KCTD17: variants seen among roughly 807,000 people sequenced by gnomAD.
KCTD17 encodes the protein BTB/POZ domain-containing protein KCTD17.
KCTD17 carries 20 observed loss-of-function variants against 41.5 expected under a neutral mutation model. The observed-to-expected ratio is 0.48, with a 90% CI of 0.34 to 0.70. KCTD17 has a LOEUF of 0.70. KCTD17 is among the 30% of genes least tolerant of loss of function. The pLI is 0.01. For missense variants in KCTD17, 317 were observed against 427.2 expected, an observed-to-expected ratio of 0.74 and a Z score of 2.27; for synonymous variants, 156 against 173.8, an observed-to-expected ratio of 0.90 and a Z score of 0.80.
Position 37,062,485 on chromosome 22 carries a change from C to T in KCTD17, c.876-40C>T, listed in dbSNP as rs776500999. 3 of 1,595,108 alleles carry T rather than the reference C, an allele frequency of 1.9e-6. No individual in the cohort carries two copies. In the Admixed American group the frequency reaches 5.2e-5, roughly 28 times the overall value. The stretch of plus-strand genomic sequence containing the variant: ...CCCCTCCTTACCGGCCCCACCTCCG[C>T]CCCTCCCATCCTCCTGCCCTTCCCC... On this transcript the variant is annotated intron_variant, in intron 8 of 8. Coordinates refer to ENST00000403888, the MANE Select transcript of KCTD17 (RefSeq NM_001282684.2).
At chr22:37,054,354 C>T (rs1032358128) in intron 2 of KCTD17, among the ~76,000 whole-genome samples, 1 of 152,152 alleles carries the variant, frequency 6.6e-6, no homozygotes, top group African/African-American at 2.4e-5. Flanking sequence ...ATTCCCACAC[C>T]GTCAGACAGC....
intron 5 of KCTD17, among the ~76,000 whole-genome samples, chr22:37,060,413 G>C (rs2145992107): frequency 6.6e-6 from 1 of 152,254 alleles, no homozygotes; most frequent in Admixed American, 6.5e-5. Flanking sequence ...AGACTGGCTG[G>C]CATCCCAGAT....
Position 37,056,355 on chromosome 22 carries a change from C to G in KCTD17, c.334C>G (p.Pro112Ala), listed in dbSNP as rs1244369727. Residue 112 changes from proline (P) to alanine (A), a missense_variant, in exon 3 of 9, where the codon CCG (proline) becomes GCG (alanine). By Grantham distance (27) the Pro-to-Ala change is conservative. Coordinates refer to ENST00000403888, the MANE Select transcript of KCTD17 (RefSeq NM_001282684.2). ...GGAAGCCGAGTTCTACAACATCGGC[C>G]CGCTGATCCGCATCATCAAAGACCG... Reference protein sequence around the residue: ...LEEAEFYNIGPLIRIIKDRME... With the variant: ...LEEAEFYNIGALIRIIKDRME... 1 of 1,613,624 alleles carries G rather than the reference C, an allele frequency of 6.2e-7. No individual in the cohort carries two copies. Among genetic ancestry groups the G allele is most frequent in the East Asian group, 2.2e-5 (1 of 44,864 alleles).
intron 1 of KCTD17, 49 bp downstream of exon 1, chr22:37,051,998 C>T: frequency 1.5e-6 from 2 of 1,347,012 alleles, no homozygotes; most frequent in Non-Finnish European, 1.9e-6. Context: ...CCTCCGCTCG[C>T]CCGACGCGGG....
chr22:37,062,796 T>G lies in KCTD17; in HGVS notation c.*202T>G. The G allele has an allele frequency of 8.6e-7, 1 of 1,167,820 alleles. No homozygotes were observed. Among genetic ancestry groups the G allele is most frequent in the Non-Finnish European group, 1.2e-6 (1 of 861,428 alleles). 72.3% of individuals were successfully genotyped at this position (1,167,820 alleles called of 1,614,324 possible). On this transcript the variant is annotated 3_prime_UTR_variant, in exon 9 of 9. Coordinates refer to ENST00000403888, the MANE Select transcript of KCTD17 (RefSeq NM_001282684.2). The stretch of plus-strand genomic sequence containing the variant: ...GAGTGGACTGCTCATGGCAGATGTG[T>G]GGCAATGTCTGGCTGTGTCTCTCCG...
intron 2 of KCTD17, among the ~76,000 whole-genome samples, chr22:37,055,906 A>C (rs1925048539): frequency 6.6e-6 from 1 of 152,224 alleles, no homozygotes; most frequent in African/African-American, 2.4e-5. Flanking sequence ...TCTAGTTCTG[A>C]GAATTCAAAA....
At chr22:37,052,299 T>C (rs1446591051) in intron 1 of KCTD17, 53 of 366,884 alleles carry the variant, frequency 1.4e-4, no homozygotes, top group East Asian at 2.0e-4. Context: ...TCGACGAGGC[T>C]ACTTCTCCCG....
At chr22:37,060,759 A>G in intron 5 of KCTD17, 64 bp from the exon 6 acceptor site, 1 of 1,435,818 alleles carries the variant, frequency 7.0e-7, no homozygotes. Flanking sequence ...GATAGCCAGC[A>G]GGCCCTGGCC....
intron 5 of KCTD17, 128 bp downstream of exon 5, chr22:37,059,566 A>C (rs926612236): frequency 1.1e-5 from 12 of 1,097,424 alleles, no homozygotes; most frequent in African/African-American, 1.6e-5. Flanking sequence ...GCACAACCCC[A>C]TGCTCACAGC....
rs1342909925 is a variant in KCTD17, at chr22:37,059,365, T to G, written c.539T>G (p.Phe180Cys). Reference sequence around the variant, plus strand: ...TACGGCAGCGAGGACCAGGCAGAGTTCCTGTGTGTGGTGTCCAAGGAGCTC... The same window carrying G: ...TACGGCAGCGAGGACCAGGCAGAGTGCCTGTGTGTGGTGTCCAAGGAGCTC... ...YNYGSEDQAE[F>C]LCVVSKELHS... is the part of the protein sequence containing the mutation. The change falls in exon 5 of 9, where the codon TTC becomes TGC. Residue 180 changes from phenylalanine (F) to cysteine (C), a missense_variant. Physicochemically the swap from Phe to Cys is radical, Grantham distance 205. Transcript: ENST00000403888. 6.2e-7 allele frequency: 1 copy of G among 1,613,174 alleles called. No homozygotes were observed. Among genetic ancestry groups the G allele is most frequent in the Non-Finnish European group, 8.5e-7 (1 of 1,179,832 alleles).
intron 5 of KCTD17, among the ~76,000 whole-genome samples, chr22:37,060,377 C>G (rs1334384551): frequency 2.0e-5 from 3 of 152,134 alleles, no homozygotes; most frequent in Non-Finnish European, 4.4e-5. Context: ...CTCTTTGGGC[C>G]AAAGCCCCTG....
rs1436976370 is a variant in KCTD17 at position 37,062,511 on chromosome 22, T to TC, written c.876-13dup. 6.6e-7 allele frequency: 1 copy of TC among 1,510,076 alleles called. No individual in the cohort carries two copies. The highest frequency in any genetic ancestry group is 8.9e-7 in the Non-Finnish European group (1 of 1,120,720). 93.5% of individuals were successfully genotyped at this position (1,510,076 alleles called of 1,614,324 possible). A position where few individuals can be genotyped will look rare whatever the true frequency, so the allele number is the denominator to read the frequency against. On this transcript the variant is annotated splice_polypyrimidine_tract_variant and intron_variant, in intron 8 of 8. Coordinates refer to ENST00000403888, the MANE Select transcript of KCTD17 (RefSeq NM_001282684.2). ...CCCTCCCATCCTCCTGCCCTTCCCC[T>TC]CTTTTTTTTCTAGCTGTTACAAGCC...
At position 37,061,428 on chromosome 22, in the gene KCTD17, C is replaced by T; in HGVS notation, c.785-111C>T. 1.3e-6 allele frequency: 2 copies of T among 1,487,190 alleles called. No individual in the cohort carries two copies. The highest frequency in any genetic ancestry group is 1.8e-6 in the Non-Finnish European group (2 of 1,119,124). The allele number at this position is 1,487,190 out of a possible 1,614,324, so 92.1% of individuals were successfully genotyped here. Reference sequence around the variant, plus strand: ...CCTGGGGAGGAGGGGCGCAGCTGCACCTCCTCTGTGCCCACTAACCCTGCC... The same window carrying T: ...CCTGGGGAGGAGGGGCGCAGCTGCATCTCCTCTGTGCCCACTAACCCTGCC... On this transcript the variant is annotated intron_variant, in intron 7 of 8. Transcript: ENST00000403888. The surrounding 1 kb of genome is among the most constrained non-coding windows in gnomAD (Gnocchi z 6.6).
At chr22:37,059,489 C>T (rs1925527286) in intron 5 of KCTD17, 51 bp downstream of exon 5, 1 of 1,558,510 alleles carries the variant, frequency 6.4e-7, no homozygotes, top group Non-Finnish European at 8.6e-7. Flanking sequence ...TGTCTCCCTC[C>T]ACCCTCCCCG....
At chr22:37,055,300 G>A (rs545051789) in intron 2 of KCTD17, 1 of 152,266 alleles carries the variant, frequency 6.6e-6, no homozygotes, top group East Asian at 1.9e-4. Flanking sequence ...AATCAACCCT[G>A]GTGATCAGTG....
At chr22:37,057,262 C>A in intron 3 of KCTD17, 136 bp from the exon 4 acceptor site, 1 of 737,702 alleles carries the variant, frequency 1.4e-6, no homozygotes, top group Non-Finnish European at 2.4e-6. Context: ...GGCTGCCTCC[C>A]CCCAACCACC....
chr22:37,056,168 C>T (rs1316347017), intron 2 of KCTD17, among the ~76,000 whole-genome samples, 152 bp from the exon 3 acceptor site: 1 of 152,202 alleles, frequency 6.6e-6, no homozygotes, highest in African/African-American at 2.4e-5. Context: ...AAGAAATGCT[C>T]CCTCTTACTT....
At chr22:37,056,573 G>C (rs1399480516) in intron 3 of KCTD17, among the ~76,000 whole-genome samples, 162 bp downstream of exon 3, 2 of 152,254 alleles carry the variant, frequency 1.3e-5, no homozygotes, top group South Asian at 4.1e-4. Context: ...GGGCTGACAG[G>C]CTGCCCAGCA....
At chr22:37,056,188 A>G in intron 2 of KCTD17, 132 bp from the exon 3 acceptor site, 1 of 651,868 alleles carries the variant, frequency 1.5e-6, no homozygotes, top group South Asian at 2.0e-5. Flanking sequence ...TGACCCCTGA[A>G]CTCACAGACA....
Sources: allele counts gnomAD v4.1 joint callset (sites outside exome capture counted in the v4.1 genomes callset), GRCh38; gene constraint gnomAD v4.1.1; non-coding constraint Gnocchi (gnomAD v3.1); transcripts MANE v1.5; gene names NCBI Gene and HGNC (gene_info 2026-07-23, HGNC 2026-07-21).